LINGO2: variants seen among roughly 807,000 people sequenced by gnomAD.
LINGO2 encodes leucine-rich repeat and immunoglobulin-like domain-containing nogo receptor-interacting protein 2.
In LINGO2, 14 loss-of-function variants were observed where a neutral mutation model predicts 30.6. The ratio of observed to expected loss-of-function variants is 0.46; its 90% CI spans 0.30 to 0.72. The LOEUF is 0.72. Ranked by LOEUF, LINGO2 falls within the 30% of genes least tolerant of loss-of-function variation. LINGO2 has a pLI of 0.07. For missense variants in LINGO2, 729 were observed against 751.7 expected (o/e 0.97, Z 0.35); for synonymous variants, 317 against 288.5 (o/e 1.10, Z -1.00).
intron 4 of LINGO2, among the ~76,000 whole-genome samples, chr9:28,073,576 C>T (rs1825542569): frequency 6.6e-6 from 1 of 152,164 alleles, no homozygotes; most frequent in Non-Finnish European, 1.5e-5. Context: ...AAGATACATT[C>T]TTGTTCGTTT....
the LINGO2 span, among the ~76,000 whole-genome samples, chr9:28,865,927 T>C: frequency 1.6e-4 from 24 of 152,202 alleles, no homozygotes; most frequent in African/African-American, 4.8e-4. Flanking sequence ...GGTGTGTTTT[T>C]ACAATATTTT....
At chr9:28,082,927 T>A (rs1825812773) in intron 4 of LINGO2, among the ~76,000 whole-genome samples, 1 of 152,252 alleles carries the variant, frequency 6.6e-6, no homozygotes, top group South Asian at 2.1e-4. Flanking sequence ...TCTGTTAGCA[T>A]CTTAATGACC....
At chr9:28,806,112 G>C in the LINGO2 span, among the ~76,000 whole-genome samples, 1 of 152,000 alleles carries the variant, frequency 6.6e-6, no homozygotes, top group Non-Finnish European at 1.5e-5. Flanking sequence ...GTGAAGACAT[G>C]ACCAGAATGC....
At chr9:28,758,268 G>T in the LINGO2 span, among the ~76,000 whole-genome samples, 1 of 152,012 alleles carries the variant, frequency 6.6e-6, no homozygotes, top group Non-Finnish European at 1.5e-5. Context: ...AATTCCAAAA[G>T]AACTATGAGT....
At chr9:28,228,709 A>G (rs1257955419) in intron 4 of LINGO2, among the ~76,000 whole-genome samples, 3 of 151,896 alleles carry the variant, frequency 2.0e-5, no homozygotes, top group Admixed American at 6.6e-5. Flanking sequence ...AAACAATCAC[A>G]AAATTAAATC....
At chr9:28,629,431 CT>C in intron 1 of LINGO2, among the ~76,000 whole-genome samples, 1 of 152,032 alleles carries the variant, frequency 6.6e-6, no homozygotes, top group Non-Finnish European at 1.5e-5. Flanking sequence ...CCCCCAAAAA[CT>C]TAATGTTAGC....
At chr9:28,744,641 T>TGTGTGTGTGTGTG in the LINGO2 span, among the ~76,000 whole-genome samples, 16 of 104,042 alleles carry the variant, frequency 1.5e-4, no homozygotes, top group South Asian at 2.9e-4. Flanking sequence ...TGTGTGTGTA[T>TGTGTGTGTGTGTG]TTTTTTTTTT....
chr9:29,083,794 G>T, the LINGO2 span, among the ~76,000 whole-genome samples: 1 of 152,022 alleles, frequency 6.6e-6, no homozygotes, highest in Admixed American at 6.6e-5. Context: ...TAAGCATCTA[G>T]GTACAAGTGA....
intron 4 of LINGO2, among the ~76,000 whole-genome samples, chr9:28,032,018 G>C (rs958537486): frequency 7.0e-6 from 1 of 143,432 alleles, no homozygotes; most frequent in African/African-American, 2.6e-5. Context: ...GTTACTAGCA[G>C]TCTGCTGACT....
At chr9:29,168,979 G>A in the LINGO2 span, among the ~76,000 whole-genome samples, 1 of 152,004 alleles carries the variant, frequency 6.6e-6, no homozygotes, top group Non-Finnish European at 1.5e-5. Flanking sequence ...TTTTTGAGAC[G>A]CTCTTGTCAT....
chr9:28,775,436 C>T, the LINGO2 span, among the ~76,000 whole-genome samples: 136 of 152,284 alleles, frequency 8.9e-4, 5 homozygotes, highest in East Asian at 0.023. Context: ...GAGTGCATGG[C>T]CTGCCTGATA....
chr9:28,410,163 GAAAGA>G (rs1822704696), intron 2 of LINGO2, among the ~76,000 whole-genome samples: 1 of 144,064 alleles, frequency 6.9e-6, no homozygotes, highest in Non-Finnish European at 1.6e-5. Context: ...AAGTAACAGA[GAAAGA>G]GAAAGAGGAA....
At chr9:28,895,210 A>T in the LINGO2 span, among the ~76,000 whole-genome samples, 3 of 152,114 alleles carry the variant, frequency 2.0e-5, no homozygotes, top group Admixed American at 6.6e-5. Context: ...TTTGAAAAAA[A>T]CAGTGCAGGT....
chr9:28,013,468 T>G (rs572237796), intron 4 of LINGO2, among the ~76,000 whole-genome samples: 1 of 152,330 alleles, frequency 6.6e-6, no homozygotes, highest in African/African-American at 2.4e-5. Context: ...AGCATAGTTA[T>G]TCAGGAATCA....
the LINGO2 span, among the ~76,000 whole-genome samples, chr9:29,187,427 CT>C: frequency 2.6e-5 from 4 of 152,148 alleles, no homozygotes; most frequent in Non-Finnish European, 5.9e-5. Flanking sequence ...ATTTTAATCT[CT>C]AAGCATACTA....
At chr9:28,872,608 A>G in the LINGO2 span, among the ~76,000 whole-genome samples, 1 of 152,158 alleles carries the variant, frequency 6.6e-6, no homozygotes, top group Non-Finnish European at 1.5e-5. Context: ...CCAAGGGGAT[A>G]TGCACAAAAA....
At chr9:28,585,285 G>A (rs2135675483) in intron 1 of LINGO2, among the ~76,000 whole-genome samples, 1 of 152,078 alleles carries the variant, frequency 6.6e-6, no homozygotes, top group East Asian at 1.9e-4. Context: ...TAAGGAGCAT[G>A]ACCAATTTGG....
chr9:28,921,301 T>A, the LINGO2 span, among the ~76,000 whole-genome samples: 2 of 152,134 alleles, frequency 1.3e-5, no homozygotes, highest in African/African-American at 4.8e-5. Flanking sequence ...CATTTGTGAA[T>A]CCCTCCATCC....
chr9:29,096,563 G>A, the LINGO2 span, among the ~76,000 whole-genome samples: 2 of 140,506 alleles, frequency 1.4e-5, no homozygotes, highest in African/African-American at 2.7e-5. Flanking sequence ...TGGGATTACA[G>A]GCGTGAGCCA....
Sources: allele counts gnomAD v4.1 joint callset (sites outside exome capture counted in the v4.1 genomes callset), GRCh38; gene constraint gnomAD v4.1.1; transcripts MANE v1.5; gene names NCBI Gene and HGNC (gene_info 2026-07-23, HGNC 2026-07-21).